The following EXT2 variants were observed in gnomAD, a reference collection of about 807,000 sequenced individuals.
The protein encoded by EXT2 is exostosin glycosyltransferase 2, also known as exostosin-2.
A neutral mutation model predicts 81.6 loss-of-function variants in EXT2; 53 were observed. The ratio of observed to expected loss-of-function variants is 0.65; its 90% CI spans 0.52 to 0.82. The LOEUF is 0.82. Ranked by LOEUF, EXT2 falls within the 40% of genes least tolerant of loss-of-function variation. The pLI is 0.00. For synonymous variants in EXT2, 320 were observed against 340.0 expected, an observed-to-expected ratio of 0.94 and a Z score of 0.65; for missense variants, 774 against 910.2, an observed-to-expected ratio of 0.85 and a Z score of 1.93.
chr11:44,224,022 A>G (rs1051568227), intron 10 of EXT2, among the ~76,000 whole-genome samples: 4 of 152,178 alleles, frequency 2.6e-5, no homozygotes, highest in Non-Finnish European at 5.9e-5. Flanking sequence ...CCTTGATTCT[A>G]TCAATGTCAA....
At chr11:44,207,499 G>T (rs943023901) in intron 10 of EXT2, among the ~76,000 whole-genome samples, 3 of 152,170 alleles carry the variant, frequency 2.0e-5, no homozygotes, top group Non-Finnish European at 4.4e-5. Context: ...GACCAGTAAA[G>T]GTCTCCCCAG....
At chr11:44,116,440 C>T (rs1954221547) in intron 4 of EXT2, 1 of 152,112 alleles carries the variant, frequency 6.6e-6, no homozygotes, top group South Asian at 2.1e-4. Flanking sequence ...GGATTATTTC[C>T]ACCTGTTAGC....
chr11:44,102,007 T>C (rs1274375730), intron 1 of EXT2, among the ~76,000 whole-genome samples: 1 of 151,204 alleles, frequency 6.6e-6, no homozygotes, highest in Non-Finnish European at 1.5e-5. Flanking sequence ...GCTGCTACAA[T>C]GGAGAAAAAT....
intron 10 of EXT2, among the ~76,000 whole-genome samples, chr11:44,210,376 A>G (rs1271207420): frequency 1.3e-5 from 2 of 152,240 alleles, no homozygotes; most frequent in Non-Finnish European, 2.9e-5. Context: ...AATTATGCTA[A>G]GTTAATGAAG....
chr11:44,172,477 C>T (rs545745649), intron 8 of EXT2, among the ~76,000 whole-genome samples: 9 of 152,274 alleles, frequency 5.9e-5, no homozygotes, highest in Admixed American at 3.3e-4. Context: ...AGCTCACAGA[C>T]GTCAAGGCAT....
chr11:44,135,926 G>A (rs1223806377), intron 7 of EXT2, among the ~76,000 whole-genome samples: 1 of 152,128 alleles, frequency 6.6e-6, no homozygotes, highest in East Asian at 1.9e-4. Context: ...TATTAATGTG[G>A]CATCTTAAAA....
chr11:44,121,013 C>A (rs142289056), intron 4 of EXT2, among the ~76,000 whole-genome samples: 72 of 152,330 alleles, frequency 4.7e-4, no homozygotes, highest in African/African-American at 1.7e-3. Context: ...TGAGCATACT[C>A]CTTCAACCAT....
At chr11:44,161,963 A>G (rs953664714) in intron 7 of EXT2, among the ~76,000 whole-genome samples, 2 of 152,244 alleles carry the variant, frequency 1.3e-5, no homozygotes, top group African/African-American at 2.4e-5. Context: ...AGACAAGGAA[A>G]GACTGAGAAA....
At chr11:44,120,350 G>T (rs1198198167) in intron 4 of EXT2, among the ~76,000 whole-genome samples, 1 of 152,172 alleles carries the variant, frequency 6.6e-6, no homozygotes, top group Non-Finnish European at 1.5e-5. Context: ...GTAAGGCTGC[G>T]CTGAGCATGT....
chr11:44,239,967 T>C (rs757882848), intron 13 of EXT2, among the ~76,000 whole-genome samples: 8 of 152,122 alleles, frequency 5.3e-5, no homozygotes, highest in Non-Finnish European at 1.0e-4. Context: ...TCCTTCTTTA[T>C]AGTTTAAATC....
intron 10 of EXT2, among the ~76,000 whole-genome samples, chr11:44,219,026 C>T (rs1263774366): frequency 1.3e-5 from 2 of 152,068 alleles, no homozygotes; most frequent in Admixed American, 1.3e-4. Flanking sequence ...GTCTCAAACT[C>T]CTGACCTCAG....
chr11:44,156,026 A>T (rs145582076), intron 7 of EXT2, among the ~76,000 whole-genome samples: 11 of 152,276 alleles, frequency 7.2e-5, no homozygotes, highest in African/African-American at 2.6e-4. Context: ...TTTTTCCTTC[A>T]GCACTTCAAA....
rs138495222 is a variant in EXT2, at chr11:44,232,450, C to T, written c.1760C>T (p.Thr587Met). The part of the protein sequence containing the change: ...MNKWKYESEW[T>M]NEVSMVLTGA... Reference sequence around the variant, plus strand: ...AAGTGGAAGTATGAGTCTGAGTGGACGAATGAAGTGTCCATGGTGCTCACT... The same window carrying T: ...AAGTGGAAGTATGAGTCTGAGTGGATGAATGAAGTGTCCATGGTGCTCACT... The change falls in exon 11 of 14, where the codon ACG (threonine) becomes ATG (methionine). Residue 587 changes from threonine to methionine, a missense_variant. Thr to Met is a moderately conservative substitution (Grantham distance 81). Transcript: ENST00000533608. The T allele has an allele frequency of 9.4e-4, 1,524 of 1,613,820 alleles. 2 individuals carry two copies. The highest frequency in any genetic ancestry group is 1.4e-3 in the South Asian group (131 of 91,082).
intron 10 of EXT2, among the ~76,000 whole-genome samples, chr11:44,215,963 G>A (rs4256969): frequency 0.5 from 74,366 of 149,958 alleles, 18,806 homozygotes; most frequent in Middle Eastern, 0.56. Context: ...TGCAAGCTCC[G>A]CTTCCCGGGT....
At chr11:44,173,776 G>T (rs528056043) in intron 8 of EXT2, among the ~76,000 whole-genome samples, 2 of 151,790 alleles carry the variant, frequency 1.3e-5, no homozygotes, top group African/African-American at 2.4e-5. Context: ...CACTGTGTTA[G>T]CCAGGATGGT....
intron 8 of EXT2, among the ~76,000 whole-genome samples, chr11:44,179,549 C>T (rs891166480): frequency 6.6e-6 from 1 of 152,208 alleles, no homozygotes; most frequent in Non-Finnish European, 1.5e-5. Flanking sequence ...AGTAATCTTT[C>T]ATGTACCAAC....
intron 9 of EXT2, among the ~76,000 whole-genome samples, chr11:44,205,155 A>G (rs2135200464): frequency 6.6e-6 from 1 of 152,328 alleles, no homozygotes; most frequent in Non-Finnish European, 1.5e-5. Context: ...CCATGAAAAT[A>G]CTAGTTTGTA....
chr11:44,184,063 A>C (rs1198303030), intron 8 of EXT2, among the ~76,000 whole-genome samples: 4 of 152,172 alleles, frequency 2.6e-5, no homozygotes, highest in African/African-American at 9.7e-5. Context: ...TTTCCAGAGA[A>C]TTTGTTTTTG....
At chr11:44,229,063 GTGTT>G (rs1323418857) in intron 10 of EXT2, among the ~76,000 whole-genome samples, 5 of 152,050 alleles carry the variant, frequency 3.3e-5, no homozygotes, top group African/African-American at 1.2e-4. Context: ...GGCATCCCTG[GTGTT>G]TAGTTATGTG....
Sources: gnomAD v4.1 joint callset for allele counts (sites outside exome capture counted in the v4.1 genomes callset) on GRCh38, gnomAD v4.1.1 for gene constraint, MANE v1.5 for transcripts, NCBI Gene and HGNC (gene_info 2026-07-23, HGNC 2026-07-21) for gene names.